Variants in PDE3A observed in about 807,000 individuals in gnomAD.
PDE3A encodes the protein phosphodiesterase 3A.
A neutral mutation model predicts 98.3 loss-of-function variants in PDE3A; 43 were observed. The ratio of observed to expected loss-of-function variants is 0.44; its 90% CI spans 0.34 to 0.56. PDE3A has a LOEUF of 0.56. Ranked by LOEUF, PDE3A falls within the 20% of genes least tolerant of loss-of-function variation. The pLI, the probability that PDE3A is intolerant of heterozygous loss-of-function variation, is 0.01. For synonymous variants in PDE3A, 663 were observed against 567.9 expected (o/e 1.17, Z -2.38); for missense variants, 1,427 against 1,440.7 (o/e 0.99, Z 0.15).
chr12:20,422,720 G>A (rs1944540937), intron 1 of PDE3A, among the ~76,000 whole-genome samples: 1 of 152,080 alleles, frequency 6.6e-6, no homozygotes, highest in Non-Finnish European at 1.5e-5. Flanking sequence ...AAGAAAATAG[G>A]CAAATTTTGT....
At chr12:20,385,724 G>C (rs944813866) in intron 1 of PDE3A, among the ~76,000 whole-genome samples, 5 of 150,486 alleles carry the variant, frequency 3.3e-5, no homozygotes, top group Non-Finnish European at 7.4e-5. Flanking sequence ...TCACTCATAG[G>C]TGGGAATTGA....
At chr12:20,520,031 A>G (rs144723693) in intron 1 of PDE3A, among the ~76,000 whole-genome samples, 3 of 152,280 alleles carry the variant, frequency 2.0e-5, no homozygotes, top group Admixed American at 6.5e-5. Flanking sequence ...TGACATCGCT[A>G]TTCAGTGAGG....
At chr12:20,388,903 G>A (rs548294823) in intron 1 of PDE3A, among the ~76,000 whole-genome samples, 1 of 152,060 alleles carries the variant, frequency 6.6e-6, no homozygotes, top group Non-Finnish European at 1.5e-5. Context: ...TTAAAATGGT[G>A]CCACATCTAG....
In PDE3A at chr12:20,646,896, T is replaced by C; in HGVS notation, c.2511T>C (p.Asp837=). ...TGTATGTGGCTGCAGCCATGCACGA[T>C]TATGATCATCCAGGAAGGACTAATG... is the stretch of plus-strand genomic sequence containing the variant. ...MALYVAAAMH[D]YDHPGRTNAF... Residue 837 remains aspartate (D), a synonymous_variant, in exon 12 of 16, where the codon GAT becomes GAC. Coordinates refer to ENST00000359062, the MANE Select transcript of PDE3A (RefSeq NM_000921.5). 6.2e-7 allele frequency: 1 copy of C among 1,614,032 alleles called. No homozygotes were observed. The highest frequency in any genetic ancestry group is 8.5e-7 in the Non-Finnish European group (1 of 1,179,910).
chr12:20,441,529 C>G (rs2120844624), intron 1 of PDE3A, among the ~76,000 whole-genome samples: 1 of 152,186 alleles, frequency 6.6e-6, no homozygotes, highest in East Asian at 1.9e-4. Context: ...TTATTTAGCC[C>G]TCACAGTAAA....
At chr12:20,398,798 A>AT (rs914461982) in intron 1 of PDE3A, among the ~76,000 whole-genome samples, 2 of 152,108 alleles carry the variant, frequency 1.3e-5, no homozygotes, top group African/African-American at 2.4e-5. Flanking sequence ...GATTTCCTGT[A>AT]TTTTTTTAAA....
intron 1 of PDE3A, among the ~76,000 whole-genome samples, chr12:20,410,524 C>T (rs1408798454): frequency 1.3e-5 from 2 of 152,038 alleles, no homozygotes; most frequent in African/African-American, 4.8e-5. Flanking sequence ...GTGATCCTGC[C>T]CTTTGTTCTA....
At chr12:20,458,698 A>G (rs1021687951) in intron 1 of PDE3A, among the ~76,000 whole-genome samples, 1 of 152,128 alleles carries the variant, frequency 6.6e-6, no homozygotes, top group Non-Finnish European at 1.5e-5. Context: ...GTTTTGCTCT[A>G]CTTGTCTGGT....
At chr12:20,588,118 C>T (rs1263727941) in intron 2 of PDE3A, among the ~76,000 whole-genome samples, 2 of 152,154 alleles carry the variant, frequency 1.3e-5, no homozygotes, top group African/African-American at 2.4e-5. Context: ...TGGAAGAGAA[C>T]CATGAAGAAG....
At chr12:20,554,665 C>T (rs1305962933) in intron 1 of PDE3A, among the ~76,000 whole-genome samples, 1 of 151,556 alleles carries the variant, frequency 6.6e-6, no homozygotes. Flanking sequence ...CAGCTCACTG[C>T]AATCTTGGCC....
At chr12:20,624,679 C>T (rs560915944) in intron 5 of PDE3A, among the ~76,000 whole-genome samples, 215 of 152,332 alleles carry the variant, frequency 1.4e-3, no homozygotes, top group Non-Finnish European at 2.4e-3. Context: ...ATATCCCAGG[C>T]ATGCTGAATC....
intron 15 of PDE3A, among the ~76,000 whole-genome samples, chr12:20,661,250 AGCATTCAAAG>A (rs1945163952): frequency 6.6e-6 from 1 of 152,198 alleles, no homozygotes; most frequent in Admixed American, 6.5e-5. Flanking sequence ...TAAGCAGCAA[AGCATTCAAAG>A]GCAACTTGGG....
chr12:20,674,529 C>A (rs983338650), intron 15 of PDE3A, among the ~76,000 whole-genome samples: 1 of 152,114 alleles, frequency 6.6e-6, no homozygotes, highest in South Asian at 2.1e-4. Context: ...GCTTTTTCTG[C>A]ATATATTGAG....
At chr12:20,667,506 C>A (rs10770691) in intron 15 of PDE3A, among the ~76,000 whole-genome samples, 7 of 152,052 alleles carry the variant, frequency 4.6e-5, no homozygotes, top group East Asian at 1.9e-4. Flanking sequence ...TCCAATTTTC[C>A]CAGCACCACT....
intron 15 of PDE3A, among the ~76,000 whole-genome samples, chr12:20,667,302 G>A (rs544291097): frequency 9.2e-5 from 14 of 151,968 alleles, no homozygotes; most frequent in Non-Finnish European, 1.5e-5. Flanking sequence ...GTCTGTATTT[G>A]TTTTTGTTGC....
chr12:20,372,408 G>A (rs963861288), intron 1 of PDE3A, among the ~76,000 whole-genome samples: 17 of 152,034 alleles, frequency 1.1e-4, no homozygotes, highest in African/African-American at 3.1e-4. Flanking sequence ...ATGAGGGCAT[G>A]GGTGAGTGTG....
At chr12:20,519,508 G>T (rs144129998) in intron 1 of PDE3A, among the ~76,000 whole-genome samples, 2 of 152,180 alleles carry the variant, frequency 1.3e-5, no homozygotes, top group African/African-American at 4.8e-5. Context: ...AGAACACATT[G>T]TATGAATTTG....
chr12:20,373,171 A>C (rs1335570644), intron 1 of PDE3A, among the ~76,000 whole-genome samples: 1 of 152,072 alleles, frequency 6.6e-6, no homozygotes, highest in East Asian at 1.9e-4. Flanking sequence ...AAGTTTGTTT[A>C]GCTTTTAGTT....
intron 15 of PDE3A, among the ~76,000 whole-genome samples, chr12:20,669,110 T>C (rs908420351): frequency 2.6e-5 from 4 of 151,164 alleles, no homozygotes; most frequent in South Asian, 2.1e-4. Flanking sequence ...CGATGGAAGA[T>C]GAAATGAATG....
Sources: gnomAD v4.1 joint callset for allele counts (sites outside exome capture counted in the v4.1 genomes callset) on GRCh38, gnomAD v4.1.1 for gene constraint, MANE v1.5 for transcripts, NCBI Gene and HGNC (gene_info 2026-07-23, HGNC 2026-07-21) for gene names.